The following LRP1-AS variants were observed in gnomAD, a reference collection of about 807,000 sequenced individuals.
The protein encoded by LRP1-AS is LRP1 antisense RNA.
intron 1 of LRP1-AS, chr12:57,145,339 C>G (rs2035381991): frequency 3.1e-6 from 5 of 1,614,190 alleles, no homozygotes; most frequent in Non-Finnish European, 4.2e-6. Flanking sequence ...CGCGGCAGAC[C>G]ACAGCCATGG....
chr12:57,145,573 G>A, intron 1 of LRP1-AS: 1 of 1,522,244 alleles, frequency 6.6e-7, no homozygotes, highest in Non-Finnish European at 8.9e-7. Flanking sequence ...CAGAGGCCGG[G>A]AGTTACACAG....
intron 1 of LRP1-AS, among the ~76,000 whole-genome samples, chr12:57,147,247 G>C (rs1206130677): frequency 2.0e-5 from 3 of 151,944 alleles, no homozygotes; most frequent in African/African-American, 7.3e-5. Flanking sequence ...CCACGTCCCT[G>C]CCGCCTGAAT....
intron 1 of LRP1-AS, chr12:57,145,432 G>A: frequency 6.2e-7 from 1 of 1,614,148 alleles, no homozygotes; most frequent in East Asian, 2.2e-5. Flanking sequence ...GTGCCCGCAT[G>A]CCTGGCCTAA....
At chr12:57,147,051 A>C (rs1460320212) in intron 1 of LRP1-AS, among the ~76,000 whole-genome samples, 2 of 152,050 alleles carry the variant, frequency 1.3e-5, no homozygotes, top group Non-Finnish European at 2.9e-5. Context: ...CTTCCTCCCC[A>C]GGAGAAGCTG....
At chr12:57,145,426 C>T in intron 1 of LRP1-AS, 1 of 1,614,168 alleles carries the variant, frequency 6.2e-7, no homozygotes, top group Non-Finnish European at 8.5e-7. Context: ...TCAAGTGTGC[C>T]CGCATGCCTG....
intron 1 of LRP1-AS, chr12:57,145,398 G>C: frequency 6.2e-7 from 1 of 1,614,202 alleles, no homozygotes; most frequent in East Asian, 2.2e-5. Context: ...GTTGGGGACA[G>C]TGCTGCTCAG....
At chr12:57,145,201 C>A in intron 1 of LRP1-AS, 1 of 1,613,802 alleles carries the variant, frequency 6.2e-7, no homozygotes, top group Non-Finnish European at 8.5e-7. Flanking sequence ...CCTGGCTGCA[C>A]GGACTCTTCT....
At chr12:57,145,069 G>T in exon 2 of LRP1-AS, 1 of 1,614,002 alleles carries the variant, frequency 6.2e-7, no homozygotes, top group Admixed American at 1.7e-5. Context: ...ACCTCCTGCA[G>T]CCGGATAACC....
At chr12:57,145,298 G>T (rs1021736359) in intron 1 of LRP1-AS, 1 of 1,614,132 alleles carries the variant, frequency 6.2e-7, no homozygotes, top group Non-Finnish European at 8.5e-7. Flanking sequence ...CCTGAGTGGG[G>T]CCCAGGTGTC....
At chr12:57,147,350 C>T (rs906066675) in intron 1 of LRP1-AS, 1 of 152,300 alleles carries the variant, frequency 6.6e-6, no homozygotes, top group Non-Finnish European at 1.5e-5. Context: ...CTCCCCTAGC[C>T]CCTCCCCCAG....
exon 2 of LRP1-AS, chr12:57,144,702 G>T: frequency 2.1e-6 from 1 of 487,420 alleles, no homozygotes; most frequent in Non-Finnish European, 3.7e-6. Context: ...AAAGTTCACT[G>T]ATGCACCCCT....
chr12:57,146,275 A>G lies in LRP1-AS; in HGVS notation n.181+1164T>C, dbSNP rs34217915. ...TCCAAAGAAATGCACCACAGGGCTG[A>G]GAGGAAGAATCTGGCCTGTGGTTGA... On this transcript the variant is annotated intron_variant and non_coding_transcript_variant, in intron 1 of 1. Coordinates refer to ENST00000555461, the Ensembl canonical transcript of LRP1-AS. 1.5e-3 allele frequency among the ~76,000 whole-genome samples: 224 copies of G among 152,304 alleles called. 1 individual carries two copies. The highest frequency in any genetic ancestry group is 5.3e-3 in the African/African-American group (221 of 41,536).
intron 1 of LRP1-AS, among the ~76,000 whole-genome samples, chr12:57,147,171 G>A (rs1282969229): frequency 6.6e-6 from 1 of 151,924 alleles, no homozygotes; most frequent in Admixed American, 6.6e-5. Context: ...GGAAATGCTT[G>A]TGGGGTAAAT....
At chr12:57,145,168 G>A in intron 1 of LRP1-AS, 2 of 1,613,220 alleles carry the variant, frequency 1.2e-6, no homozygotes, top group South Asian at 2.2e-5. Flanking sequence ...GGTGGGTGGT[G>A]GCCTGAGAGG....
intron 1 of LRP1-AS, among the ~76,000 whole-genome samples, chr12:57,147,225 C>T (rs1252193181): frequency 3.9e-5 from 6 of 152,060 alleles, no homozygotes; most frequent in Admixed American, 3.9e-4. Flanking sequence ...TCCTCCCTGC[C>T]CTCCCCCTGC....
chr12:57,144,727 A>G, exon 2 of LRP1-AS: 1 of 541,508 alleles, frequency 1.8e-6, no homozygotes, highest in Non-Finnish European at 3.3e-6. Flanking sequence ...CCTGACCCAT[A>G]GTAGGGACTC....
intron 1 of LRP1-AS, chr12:57,145,372 C>A: frequency 6.2e-7 from 1 of 1,614,172 alleles, no homozygotes; most frequent in South Asian, 1.1e-5. Context: ...CCAACGAGAC[C>A]GTATGCTGGG....
At chr12:57,146,439 G>A (rs1315083349) in intron 1 of LRP1-AS, 1 of 152,330 alleles carries the variant, frequency 6.6e-6, no homozygotes, top group East Asian at 1.9e-4. Context: ...GAAAGCCAGT[G>A]GTAAAGGACA....
chr12:57,145,000 C>T, exon 2 of LRP1-AS: 2 of 1,614,170 alleles, frequency 1.2e-6, no homozygotes, highest in Non-Finnish European at 1.7e-6. Context: ...TGTACGGCAC[C>T]TGCAGCCAGC....
Sources: allele counts gnomAD v4.1 joint callset (sites outside exome capture counted in the v4.1 genomes callset), GRCh38; gene constraint gnomAD v4.1.1; transcripts MANE v1.5; gene names NCBI Gene and HGNC (gene_info 2026-07-23, HGNC 2026-07-21).